The following CCDC91 variants were observed in gnomAD, a reference collection of about 807,000 sequenced individuals.
CCDC91 encodes coiled-coil domain containing 91.
CCDC91 carries 48 observed loss-of-function variants against 63.2 expected under a neutral mutation model. The observed-to-expected ratio is 0.76, with a 90% CI of 0.60 to 0.97. CCDC91 has a LOEUF of 0.97. Among genes scored for constraint, CCDC91 ranks in the 50% least tolerant of loss-of-function variants. The probability of loss-of-function intolerance (pLI) is 0.00; values close to 1 mark genes in which losing one functional copy is unlikely to be tolerated. For missense variants in CCDC91, 500 were observed against 494.6 expected (o/e 1.01, Z -0.10); for synonymous variants, 167 against 165.8 (o/e 1.01, Z -0.06).
Position 28,366,269 on chromosome 12 carries a change from T to G in CCDC91, c.654+3754T>G, listed in dbSNP as rs141244290. Among the ~76,000 whole-genome samples, 1,219 of 152,290 alleles carry G rather than the reference T, an allele frequency of 8.0e-3. 6 individuals carry two copies. Among genetic ancestry groups the G allele is most frequent in the Middle Eastern group, 0.037 (11 of 294 alleles). ...TGACACCCAAGTAACTACATAGTAG[T>G]GGGTTCCCCGGATTTTCTTTTTACC... On this transcript the variant is annotated intron_variant, in intron 7 of 12. Coordinates refer to ENST00000536442, the MANE Select transcript of CCDC91 (RefSeq NM_018318.5).
intron 1 of CCDC91, among the ~76,000 whole-genome samples, chr12:28,202,676 C>T (rs1219491601): frequency 6.6e-6 from 1 of 152,232 alleles, no homozygotes; most frequent in African/African-American, 2.4e-5. Flanking sequence ...TTAGTTCCCA[C>T]TTGTACAGAG....
chr12:28,316,214 CTG>C, intron 6 of CCDC91, among the ~76,000 whole-genome samples: 1 of 151,980 alleles, frequency 6.6e-6, no homozygotes, highest in Middle Eastern at 3.4e-3. Flanking sequence ...TATTCTCTGA[CTG>C]TGTCTTCCTT....
intron 1 of CCDC91, among the ~76,000 whole-genome samples, chr12:28,247,925 C>T (rs1223263800): frequency 3.3e-5 from 5 of 152,252 alleles, no homozygotes; most frequent in Non-Finnish European, 2.9e-5. Flanking sequence ...GGTTCGTGCT[C>T]CTTTGAGAAT....
chr12:28,473,334 A>G (rs983598009), intron 11 of CCDC91, among the ~76,000 whole-genome samples: 1 of 152,222 alleles, frequency 6.6e-6, no homozygotes, highest in Admixed American at 6.6e-5. Flanking sequence ...ACAATGGCCT[A>G]GTCAGCACAA....
At chr12:28,358,424 A>G (rs190255202) in intron 6 of CCDC91, among the ~76,000 whole-genome samples, 1 of 152,178 alleles carries the variant, frequency 6.6e-6, no homozygotes, top group Non-Finnish European at 1.5e-5. Flanking sequence ...TGGCCTTCAA[A>G]TCTTGGCCAT....
chr12:28,377,277 T>G (rs1052740232), intron 7 of CCDC91, among the ~76,000 whole-genome samples: 1 of 151,790 alleles, frequency 6.6e-6, no homozygotes, highest in African/African-American at 2.4e-5. Flanking sequence ...GTTTGTTTTT[T>G]TGATGTTATA....
At chr12:28,300,759 CT>C (rs1937980192) in intron 3 of CCDC91, among the ~76,000 whole-genome samples, 1 of 151,356 alleles carries the variant, frequency 6.6e-6, no homozygotes, top group Non-Finnish European at 1.5e-5. Flanking sequence ...ATATCTTTAC[CT>C]TTGTTTAGGT....
chr12:28,471,776 G>A (rs115160655), intron 11 of CCDC91, among the ~76,000 whole-genome samples: 2,128 of 143,736 alleles, frequency 0.015, 41 homozygotes, highest in African/African-American at 0.049. Context: ...TTGAAATGGG[G>A]TCTTGATCTG....
chr12:28,471,823 C>T lies in CCDC91; in HGVS notation c.1102-12229C>T, dbSNP rs557271282. ...GGAGTGCAGTGGTGCAATCTCAGCT[C>T]ACTACAACCTCCGCCTCCCGGGTTC... On this transcript the variant is annotated intron_variant, in intron 11 of 12. Transcript: ENST00000536442. 3.4e-4 allele frequency among the ~76,000 whole-genome samples: 52 copies of T among 150,884 alleles called. 1 individual carries two copies. Among genetic ancestry groups the T allele is most frequent in the African/African-American group, 1.2e-3 (51 of 41,386 alleles).
rs1592606629 is a variant in CCDC91, at chr12:28,415,663, T to TA, written c.762+24252_762+24253insA. Reference sequence around the variant, plus strand: ...TTTATTTAACTAATAAAGATATATATTTGTGTGTGTGTGTGTGTGTGTGTG... The same window carrying TA: ...TTTATTTAACTAATAAAGATATATATATTGTGTGTGTGTGTGTGTGTGTGTG... On this transcript the variant is annotated intron_variant, in intron 8 of 12. Coordinates refer to ENST00000536442, the MANE Select transcript of CCDC91 (RefSeq NM_018318.5). Among the ~76,000 whole-genome samples the TA allele has an allele frequency of 8.3e-5, 6 of 72,262 alleles. No individual in the cohort carries two copies. The East Asian group carries it at 1.3e-3, about 15-fold the overall frequency. The allele number at this position is 72,262 out of a possible 152,430, so 47.4% of individuals were successfully genotyped here. A position where few individuals can be genotyped will look rare whatever the true frequency, so the allele number is the denominator to read the frequency against.
chr12:28,299,271 A>G (rs1360393640), intron 3 of CCDC91, among the ~76,000 whole-genome samples: 1 of 151,622 alleles, frequency 6.6e-6, no homozygotes, highest in African/African-American at 2.4e-5. Context: ...ATTTTCTTCA[A>G]AGGTTAACAT....
At chr12:28,499,108 G>A (rs1443934939) in intron 12 of CCDC91, among the ~76,000 whole-genome samples, 1 of 151,530 alleles carries the variant, frequency 6.6e-6, no homozygotes, top group East Asian at 2.0e-4. Context: ...TTTATGGTCA[G>A]TTTTATGAAC....
At chr12:28,526,136 A>G (rs1170400200) in intron 12 of CCDC91, among the ~76,000 whole-genome samples, 1 of 146,412 alleles carries the variant, frequency 6.8e-6, no homozygotes, top group African/African-American at 2.5e-5. Flanking sequence ...TCATCATGCT[A>G]TTTGTTGCCT....
chr12:28,281,289 A>C (rs1187419370), intron 3 of CCDC91, among the ~76,000 whole-genome samples: 2 of 152,208 alleles, frequency 1.3e-5, no homozygotes, highest in Non-Finnish European at 2.9e-5. Flanking sequence ...ATAAATAGTT[A>C]GCTTACATGA....
chr12:28,384,680 A>G (rs1455939738), intron 7 of CCDC91, among the ~76,000 whole-genome samples: 1 of 152,184 alleles, frequency 6.6e-6, no homozygotes, highest in Non-Finnish European at 1.5e-5. Flanking sequence ...TTACTGGGCT[A>G]GAAAAGCTAA....
At chr12:28,447,818 A>G (rs1592702929) in intron 8 of CCDC91, among the ~76,000 whole-genome samples, 4 of 4,998 alleles carry the variant, frequency 8.0e-4, no homozygotes, top group Non-Finnish European at 1.1e-3. Flanking sequence ...GAGGGAGGGG[A>G]AGGGAGGGGA....
chr12:28,373,614 A>AT (rs60585724), intron 7 of CCDC91, among the ~76,000 whole-genome samples: 16 of 151,408 alleles, frequency 1.1e-4, no homozygotes, highest in African/African-American at 3.4e-4. Context: ...GTTTCTATAC[A>AT]TTTTTTTTTT....
chr12:28,208,565 T>C (rs1170331868), intron 1 of CCDC91, among the ~76,000 whole-genome samples: 1 of 152,170 alleles, frequency 6.6e-6, no homozygotes, highest in African/African-American at 2.4e-5. Context: ...ATTTTAAAGG[T>C]GAAATTTGAT....
At chr12:28,209,418 C>T (rs1292873872) in intron 1 of CCDC91, among the ~76,000 whole-genome samples, 1 of 152,004 alleles carries the variant, frequency 6.6e-6, no homozygotes, top group Non-Finnish European at 1.5e-5. Flanking sequence ...TCTTTAATAA[C>T]GTTAATTATT....
Sources: allele counts gnomAD v4.1 joint callset (sites outside exome capture counted in the v4.1 genomes callset), GRCh38; gene constraint gnomAD v4.1.1; transcripts MANE v1.5; gene names NCBI Gene and HGNC (gene_info 2026-07-23, HGNC 2026-07-21).